FARSB: variants seen among roughly 807,000 people sequenced by gnomAD.
FARSB encodes the protein phenylalanyl-tRNA synthetase subunit beta.
A neutral mutation model predicts 69.6 loss-of-function variants in FARSB; 40 were observed. The observed-to-expected ratio is 0.57, with a 90% CI of 0.45 to 0.75. The LOEUF (loss-of-function observed/expected upper bound fraction) is 0.75, where lower values mean the gene tolerates loss of function less well. Among genes scored for constraint, FARSB ranks in the 30% least tolerant of loss-of-function variants. The pLI, the probability that FARSB is intolerant of heterozygous loss-of-function variation, is 0.00. For synonymous variants in FARSB, 235 were observed against 247.2 expected (o/e 0.95, Z 0.46); for missense variants, 632 against 722.9 (o/e 0.87, Z 1.44).
chr2:222,609,585 T>A lies in FARSB; in HGVS notation c.1462+4226A>T, dbSNP rs1003331633. On this transcript the variant is annotated intron_variant, in intron 15 of 16. Coordinates refer to ENST00000281828, the MANE Select transcript of FARSB (RefSeq NM_005687.5). The stretch of plus-strand genomic sequence containing the variant: ...TTGAGTCATGACTAATTTTTTAAAA[T>A]GTTGCAGCAACTTCATATCTAGAGT... Among the ~76,000 whole-genome samples the A allele has an allele frequency of 7.6e-4, 116 of 152,342 alleles. 1 individual carries two copies. Among genetic ancestry groups the A allele is most frequent in the African/African-American group, 2.6e-3 (110 of 41,574 alleles).
At chr2:222,603,698 A>C (rs1387213843) in intron 15 of FARSB, among the ~76,000 whole-genome samples, 1 of 147,212 alleles carries the variant, frequency 6.8e-6, no homozygotes, top group Non-Finnish European at 1.5e-5. Context: ...ATTATTATAT[A>C]TATTAGATAA....
intron 16 of FARSB, among the ~76,000 whole-genome samples, chr2:222,587,547 C>CA (rs1436703606): frequency 1.1e-4 from 16 of 152,164 alleles, no homozygotes; most frequent in East Asian, 3.9e-4. Context: ...AAAAACCCTT[C>CA]AAAAAATCAA....
At chr2:222,628,177 T>C (rs1010595882) in intron 10 of FARSB, among the ~76,000 whole-genome samples, 1 of 152,236 alleles carries the variant, frequency 6.6e-6, no homozygotes, top group Admixed American at 6.5e-5. Flanking sequence ...GGCTGAGTAA[T>C]CTTAAAAGGA....
intron 16 of FARSB, among the ~76,000 whole-genome samples, chr2:222,591,018 G>A (rs1690255554): frequency 1.3e-5 from 2 of 151,986 alleles, no homozygotes; most frequent in African/African-American, 2.4e-5. Context: ...AAACTCATTT[G>A]CTTGGACACT....
chr2:222,630,212 A>C, intron 8 of FARSB, 38 bp from the exon 9 acceptor site: 3 of 1,024,504 alleles, frequency 2.9e-6, no homozygotes, highest in Non-Finnish European at 4.4e-6. Context: ...TAATCTATAA[A>C]TATATTCTCT....
At position 222,608,920 on chromosome 2, in the gene FARSB, A is replaced by G. The variant is rs1267808549; in HGVS notation, c.1462+4891T>C. 3.3e-5 allele frequency among the ~76,000 whole-genome samples: 5 copies of G among 152,332 alleles called. No homozygotes were observed. The East Asian group carries it at 9.6e-4, about 29-fold the overall frequency. On this transcript the variant is annotated intron_variant, in intron 15 of 16. Coordinates refer to ENST00000281828, the MANE Select transcript of FARSB (RefSeq NM_005687.5). ...TTTATTAAAATCCAACATTTTGTAA[A>G]TGTAGTAGTTATAAACAAAATGCAT... is the stretch of plus-strand genomic sequence containing the variant.
chr2:222,640,026 C>A (rs1192045754), intron 4 of FARSB, among the ~76,000 whole-genome samples: 1 of 152,096 alleles, frequency 6.6e-6, no homozygotes, highest in Non-Finnish European at 1.5e-5. Flanking sequence ...ACAATTATAT[C>A]TCAAATGTGT....
intron 2 of FARSB, among the ~76,000 whole-genome samples, chr2:222,647,605 G>A (rs1177534221): frequency 1.3e-5 from 2 of 152,168 alleles, no homozygotes; most frequent in African/African-American, 2.4e-5. Flanking sequence ...TTTTCTTCAA[G>A]AAAGCAGCCT....
intron 16 of FARSB, among the ~76,000 whole-genome samples, chr2:222,599,313 G>C (rs1056238058): frequency 6.6e-6 from 1 of 152,166 alleles, no homozygotes; most frequent in African/African-American, 2.4e-5. Flanking sequence ...AAAAATTTCA[G>C]AGTTCCTTGG....
chr2:222,623,525 T>C, intron 13 of FARSB, 125 bp downstream of exon 13: 2 of 725,122 alleles, frequency 2.8e-6, no homozygotes, highest in Non-Finnish European at 5.0e-6. Flanking sequence ...AACAAAGTTA[T>C]TCTTCCAGAA....
intron 16 of FARSB, among the ~76,000 whole-genome samples, chr2:222,573,721 A>T (rs1689768493): frequency 6.6e-6 from 1 of 152,216 alleles, no homozygotes; most frequent in East Asian, 1.9e-4. Flanking sequence ...GGAATTATTT[A>T]TCCCAGCACC....
At chr2:222,598,289 C>T (rs1353657341) in intron 16 of FARSB, among the ~76,000 whole-genome samples, 1 of 152,112 alleles carries the variant, frequency 6.6e-6, no homozygotes, top group Non-Finnish European at 1.5e-5. Context: ...TGAAGTCTGC[C>T]TTATAACTAG....
intron 1 of FARSB, among the ~76,000 whole-genome samples, chr2:222,653,568 G>A (rs1444325195): frequency 1.3e-5 from 2 of 151,808 alleles, no homozygotes; most frequent in African/African-American, 2.4e-5. Flanking sequence ...AACTAATGAG[G>A]AGAATCATTT....
chr2:222,578,802 AC>A (rs2106177936), intron 16 of FARSB, among the ~76,000 whole-genome samples: 2 of 151,892 alleles, frequency 1.3e-5, no homozygotes, highest in South Asian at 4.2e-4. Flanking sequence ...ACATGGTGAA[AC>A]CCCATCTCTA....
At chr2:222,631,514 C>T in intron 8 of FARSB, 90 bp downstream of exon 8, 1 of 756,844 alleles carries the variant, frequency 1.3e-6, no homozygotes, top group Non-Finnish European at 2.4e-6. Flanking sequence ...ACAAAATGCA[C>T]ATATTTTAAA....
chr2:222,642,846 C>T lies in FARSB; in HGVS notation c.269+5G>A, dbSNP rs1454794866. On this transcript the variant is annotated splice_donor_5th_base_variant and intron_variant, in intron 3 of 16. Coordinates refer to ENST00000281828, the MANE Select transcript of FARSB (RefSeq NM_005687.5). ...GCAAAGTCTTTAAGGAACATATTTC[C>T]TTACCTTTCTTTGAAGACCTGAAGT... is the stretch of plus-strand genomic sequence containing the variant. 1 of 1,594,252 alleles carries T rather than the reference C, an allele frequency of 6.3e-7. No homozygotes were observed. The highest frequency in any genetic ancestry group is 8.5e-7 in the Non-Finnish European group (1 of 1,171,404).
chr2:222,636,400 A>AAG (rs1269735873), intron 5 of FARSB, among the ~76,000 whole-genome samples: 3 of 151,566 alleles, frequency 2.0e-5, no homozygotes, highest in African/African-American at 4.8e-5. Context: ...AAAAAAAAAA[A>AAG]AAAAGAATAT....
intron 14 of FARSB, among the ~76,000 whole-genome samples, chr2:222,614,637 T>C (rs895394785): frequency 1.8e-4 from 28 of 152,154 alleles, no homozygotes; most frequent in Admixed American, 7.9e-4. Context: ...TTGAGGCTAG[T>C]AGTTCAAGAC....
At chr2:222,655,518 C>A (rs1305539492) in intron 1 of FARSB, among the ~76,000 whole-genome samples, 2 of 152,174 alleles carry the variant, frequency 1.3e-5, no homozygotes, top group Non-Finnish European at 2.9e-5. Flanking sequence ...GTGTCGTGTG[C>A]ACAGCTCTAG....
Sources: gnomAD v4.1 joint callset for allele counts (sites outside exome capture counted in the v4.1 genomes callset) on GRCh38, gnomAD v4.1.1 for gene constraint, MANE v1.5 for transcripts, NCBI Gene and HGNC (gene_info 2026-07-23, HGNC 2026-07-21) for gene names.